Variants in ARHGAP20 observed in about 807,000 individuals in gnomAD.
The protein encoded by ARHGAP20 is rho GTPase-activating protein 20.
A neutral mutation model predicts 73.7 loss-of-function variants in ARHGAP20; 34 were observed. The observed-to-expected ratio is 0.46, with a 90% CI of 0.35 to 0.61. The LOEUF (loss-of-function observed/expected upper bound fraction) is 0.61, where lower values mean the gene tolerates loss of function less well. ARHGAP20 is among the 20% of genes least tolerant of loss of function. The pLI, the probability that ARHGAP20 is intolerant of heterozygous loss-of-function variation, is 0.00. For missense variants in ARHGAP20, 1,314 were observed against 1,420.9 expected (o/e 0.92, Z 1.21); for synonymous variants, 523 against 518.2 (o/e 1.01, Z -0.13).
rs778820485 is a variant in ARHGAP20, at chr11:110,582,339, T to A, written c.1702A>T (p.Thr568Ser). Residue 568 changes from threonine to serine, a missense_variant, in exon 14 of 15, where the codon ACT (threonine) becomes TCT (serine). Thr to Ser is a moderately conservative substitution (Grantham distance 58). This residue lies in a region of ARHGAP20 where 230 missense variants were observed against 317.6 expected (regional missense o/e 0.72). Coordinates refer to ENST00000683387, the MANE Select transcript of ARHGAP20 (RefSeq NM_001384657.1). ...LFREVSVRCD[T>S]RENASDISCF... ...ACAATACCTGAGGCATTCTCTCTAGTGTCACATCTCACTGAAACCTCTCTG... is the reference window on the plus strand; with the variant it reads ...ACAATACCTGAGGCATTCTCTCTAGAGTCACATCTCACTGAAACCTCTCTG... The A allele has an allele frequency of 3.1e-6, 5 of 1,610,526 alleles. No homozygotes were observed. The highest frequency in any genetic ancestry group is 1.7e-5 in the Admixed American group (1 of 59,990).
intron 1 of ARHGAP20, among the ~76,000 whole-genome samples, chr11:110,703,927 C>T (rs1357989064): frequency 6.6e-6 from 1 of 152,150 alleles, no homozygotes; most frequent in Non-Finnish European, 1.5e-5. Flanking sequence ...CACTCTATGT[C>T]AAACAAAGGG....
intron 11 of ARHGAP20, among the ~76,000 whole-genome samples, chr11:110,586,909 C>G (rs1165396546): frequency 2.0e-5 from 3 of 151,500 alleles, no homozygotes; most frequent in Non-Finnish European, 4.4e-5. Context: ...TAGAAAGGCT[C>G]TCATATATTT....
At chr11:110,672,902 T>C (rs1949857455) in intron 2 of ARHGAP20, among the ~76,000 whole-genome samples, 1 of 152,186 alleles carries the variant, frequency 6.6e-6, no homozygotes, top group African/African-American at 2.4e-5. Flanking sequence ...AGTGAAGACA[T>C]ACATCCACAT....
At chr11:110,690,687 G>T in intron 1 of ARHGAP20, 58 bp from the exon 2 acceptor site, 1 of 1,531,448 alleles carries the variant, frequency 6.5e-7, no homozygotes, top group Non-Finnish European at 9.0e-7. Flanking sequence ...AGACAATGTT[G>T]ATTTTTTTTT....
chr11:110,703,310 A>G (rs1292556567), intron 1 of ARHGAP20, among the ~76,000 whole-genome samples: 1 of 152,148 alleles, frequency 6.6e-6, no homozygotes, highest in African/African-American at 2.4e-5. Flanking sequence ...CCATGTTGAA[A>G]TACAACAATA....
At chr11:110,702,607 C>A (rs2135146038) in intron 1 of ARHGAP20, among the ~76,000 whole-genome samples, 1 of 152,250 alleles carries the variant, frequency 6.6e-6, no homozygotes, top group Admixed American at 6.5e-5. Context: ...TCCCTGTTTG[C>A]AGATGACATG....
Position 110,577,953 on chromosome 11 carries a change from G to GAGAA in ARHGAP20, c.*1413_*1416dup. The GAGAA allele has an allele frequency of 1.0e-6, 1 of 985,624 alleles. No individual in the cohort carries two copies. Among genetic ancestry groups the GAGAA allele is most frequent in the Non-Finnish European group, 1.2e-6 (1 of 829,896 alleles). The allele number at this position is 985,624 out of a possible 1,614,324, so 61.1% of individuals were successfully genotyped here. A position where few individuals can be genotyped will look rare whatever the true frequency, so the allele number is the denominator to read the frequency against. On this transcript the variant is annotated 3_prime_UTR_variant, in exon 15 of 15. Transcript: ENST00000683387. The stretch of plus-strand genomic sequence containing the variant: ...TAATTTGGAATAAGCTAGCTTGTGA[G>GAGAA]AGAAAGGTCCATCTGATGGTGAACT...
chr11:110,711,423 C>A (rs934680656), intron 1 of ARHGAP20, among the ~76,000 whole-genome samples: 1 of 150,946 alleles, frequency 6.6e-6, no homozygotes, highest in Non-Finnish European at 1.5e-5. Flanking sequence ...CCCGCCCCCA[C>A]CCTGCTCGGT....
chr11:110,657,282 A>G (rs924059856), intron 2 of ARHGAP20, among the ~76,000 whole-genome samples: 22 of 152,210 alleles, frequency 1.4e-4, no homozygotes, highest in African/African-American at 4.6e-4. Flanking sequence ...CAGAAAGGAA[A>G]TATAAAGCTG....
chr11:110,662,969 A>C (rs1189361350), intron 2 of ARHGAP20, among the ~76,000 whole-genome samples: 2 of 152,024 alleles, frequency 1.3e-5, no homozygotes, highest in African/African-American at 2.4e-5. Flanking sequence ...CAAAGAAGAA[A>C]TCAAAAAGAA....
chr11:110,630,369 C>G (rs1473198648), intron 3 of ARHGAP20, among the ~76,000 whole-genome samples: 1 of 152,168 alleles, frequency 6.6e-6, no homozygotes, highest in Non-Finnish European at 1.5e-5. Flanking sequence ...TCCCAAAGAG[C>G]AGGGACCGTA....
At chr11:110,581,342 A>ATTCTCTCTTTCTT in intron 14 of ARHGAP20, 117 bp from the exon 15 acceptor site, 1 of 1,136,258 alleles carries the variant, frequency 8.8e-7, no homozygotes, top group Non-Finnish European at 1.2e-6. Flanking sequence ...CTCAAGAAAG[A>ATTCTCTCTTTCTT]GAGAATCTTT....
At chr11:110,615,845 T>C (rs936721742) in intron 4 of ARHGAP20, among the ~76,000 whole-genome samples, 1 of 152,230 alleles carries the variant, frequency 6.6e-6, no homozygotes, top group Non-Finnish European at 1.5e-5. Context: ...CCCTCTTTTC[T>C]ACTTTACTGC....
chr11:110,593,266 G>A (rs1464353647), intron 9 of ARHGAP20, among the ~76,000 whole-genome samples: 1 of 152,184 alleles, frequency 6.6e-6, no homozygotes, highest in Non-Finnish European at 1.5e-5. Context: ...TTATACCATA[G>A]TGCCGAAATG....
At chr11:110,648,203 AT>A (rs1565457395) in intron 2 of ARHGAP20, among the ~76,000 whole-genome samples, 8 of 88,612 alleles carry the variant, frequency 9.0e-5, no homozygotes, top group African/African-American at 3.8e-4. Flanking sequence ...ATATATATAT[AT>A]ATGTAAATAT....
intron 2 of ARHGAP20, among the ~76,000 whole-genome samples, chr11:110,677,444 A>G (rs1011560593): frequency 1.3e-5 from 2 of 152,212 alleles, no homozygotes; most frequent in Admixed American, 6.5e-5. Flanking sequence ...GCTTCAGCCC[A>G]GGAGTTTGAG....
rs1175214580 is a variant in ARHGAP20 at position 110,589,582 on chromosome 11, C to T, written c.1305+1066G>A. ...TGGGAGGTGAGAGCCTGACACAGGT[C>T]TGCAGAAGATACTGCTAAGGTCAAA... On this transcript the variant is annotated intron_variant, in intron 11 of 14. Coordinates refer to ENST00000683387, the MANE Select transcript of ARHGAP20 (RefSeq NM_001384657.1). 10 of 985,332 alleles carry T rather than the reference C, an allele frequency of 1.0e-5. No homozygotes were observed. In the Admixed American group the frequency reaches 2.5e-4, roughly 24 times the overall value. 61.0% of individuals were successfully genotyped at this position (985,332 alleles called of 1,614,324 possible).
In ARHGAP20 at chr11:110,624,308, A is replaced by G. The variant is rs773822836; in HGVS notation, c.357T>C (p.Tyr119=). Residue 119 remains tyrosine (Y), a synonymous_variant, in exon 4 of 15, where the codon TAT becomes TAC. Transcript: ENST00000683387. ...TATTTTTTATCTTAAAGTTATTGTTATATCTAGAAAGATAAAAACCAAACA... is the reference window on the plus strand; with the variant it reads ...TATTTTTTATCTTAAAGTTATTGTTGTATCTAGAAAGATAAAAACCAAACA... ...NDLFVVAKIK[Y]NNNFKIKNKI... The G allele has an allele frequency of 6.5e-7, 1 of 1,546,376 alleles. No homozygotes were observed. The highest frequency in any genetic ancestry group is 8.7e-7 in the Non-Finnish European group (1 of 1,150,842).
intron 2 of ARHGAP20, among the ~76,000 whole-genome samples, chr11:110,655,585 CT>C (rs1949447846): frequency 6.6e-6 from 1 of 152,076 alleles, no homozygotes; most frequent in Non-Finnish European, 1.5e-5. Flanking sequence ...TTATGAATAT[CT>C]ATCTTGTTAT....
Sources: gnomAD v4.1 joint callset for allele counts (sites outside exome capture counted in the v4.1 genomes callset) on GRCh38, gnomAD v4.1.1 for gene constraint, gnomAD v4.1.1 regional missense constraint, MANE v1.5 for transcripts, NCBI Gene and HGNC (gene_info 2026-07-23, HGNC 2026-07-21) for gene names.